DYRK4: variants seen among roughly 807,000 people sequenced by gnomAD.
The protein encoded by DYRK4 is dual specificity tyrosine-phosphorylation-regulated kinase 4.
DYRK4 carries 64 observed loss-of-function variants against 68.3 expected under a neutral mutation model. The ratio of observed to expected loss-of-function variants is 0.94; its 90% CI spans 0.77 to 1.15. DYRK4 has a LOEUF of 1.15. Ranked by LOEUF, DYRK4 falls within the 50% of genes most tolerant of loss-of-function variation. DYRK4 has a pLI of 0.00. For synonymous variants in DYRK4, 274 were observed against 289.9 expected (o/e 0.95, Z 0.56); for missense variants, 740 against 764.7 (o/e 0.97, Z 0.38).
intron 4 of DYRK4, 189 bp downstream of exon 4, chr12:4,590,629 C>T: frequency 8.0e-7 from 1 of 1,254,372 alleles, no homozygotes; most frequent in Admixed American, 3.7e-5. Flanking sequence ...CTTTTCTTAG[C>T]TACAAAATGG....
At position 4,607,388 on chromosome 12, in the gene DYRK4, G is replaced by T. The variant is rs146803881; in HGVS notation, c.1360+1G>T. Reference sequence around the variant, plus strand: ...GCCTCCAGGAGACAGACATTCTTTGGTAAGTCCTAGTGTGTCTCATGAGGT... The same window carrying T: ...GCCTCCAGGAGACAGACATTCTTTGTTAAGTCCTAGTGTGTCTCATGAGGT... On this transcript the variant is annotated splice_donor_variant, in intron 12 of 14. Coordinates refer to ENST00000543431, the MANE Select transcript of DYRK4 (RefSeq NM_001394779.1). LOFTEE classifies it high-confidence loss of function. 6.8e-6 allele frequency: 11 copies of T among 1,614,052 alleles called. No homozygotes were observed. The African/African-American group carries it at 1.3e-4, about 20-fold the overall frequency.
At chr12:4,610,824 A>G (rs2137410998) in intron 13 of DYRK4, among the ~76,000 whole-genome samples, 1 of 152,336 alleles carries the variant, frequency 6.6e-6, no homozygotes, top group East Asian at 1.9e-4. Context: ...TATAATCTAT[A>G]TGCATATTTT....
Position 4,567,985 on chromosome 12 carries a change from A to C in DYRK4, c.69A>C (p.Lys23Asn). ...AAATGGATGCTAAAAAGCCAAGGAA[A>C]TGTGATTTGACTCCCTTCCTGGTTT... ...KTQMDAKKPR[K>N]CDLTPFLVLK... Residue 23 changes from lysine (K) to asparagine (N), a missense_variant, in exon 2 of 15, where the codon AAA (lysine) becomes AAC (asparagine). Transcript: ENST00000543431. 1 of 1,536,160 alleles carries C rather than the reference A, an allele frequency of 6.5e-7. No individual in the cohort carries two copies. The highest frequency in any genetic ancestry group is 8.7e-7 in the Non-Finnish European group (1 of 1,146,924).
At chr12:4,580,968 A>G in intron 2 of DYRK4, 1 of 442,596 alleles carries the variant, frequency 2.3e-6, no homozygotes, top group Non-Finnish European at 4.5e-6. Context: ...ATCTTCCCTG[A>G]ACAGTCCAGG....
intron 4 of DYRK4, 64 bp downstream of exon 4, chr12:4,590,504 G>C: frequency 6.6e-7 from 1 of 1,522,618 alleles, no homozygotes; most frequent in South Asian, 1.2e-5. Context: ...TCCAAAGCCA[G>C]TTTTAGAAAG....
intron 6 of DYRK4, among the ~76,000 whole-genome samples, chr12:4,595,095 A>G (rs1945002235): frequency 6.6e-6 from 1 of 152,226 alleles, no homozygotes; most frequent in Admixed American, 6.5e-5. Flanking sequence ...ACACATATGT[A>G]ATTTTATAGC....
chr12:4,602,145 C>G (rs1332154274), intron 10 of DYRK4: 1 of 631,668 alleles, frequency 1.6e-6, no homozygotes, highest in African/African-American at 1.8e-5. Context: ...TAATTAAGTT[C>G]AGCTTTCATA....
At chr12:4,604,869 G>A (rs17774188) in intron 10 of DYRK4, 45 bp from the exon 11 acceptor site, 143,731 of 1,525,540 alleles carry the variant, frequency 0.094, 7,795 homozygotes, top group Middle Eastern at 0.11. Flanking sequence ...GTTCTGGAGG[G>A]TAAGAAGTTT....
chr12:4,586,705 T>TACACACAC (rs527544594), intron 2 of DYRK4, among the ~76,000 whole-genome samples: 2,266 of 77,544 alleles, frequency 0.029, 48 homozygotes, highest in African/African-American at 0.072. Context: ...CTGGGCTGCG[T>TACACACAC]ACACACACAC....
chr12:4,588,051 T>C (rs1440577387), intron 2 of DYRK4, among the ~76,000 whole-genome samples: 2 of 152,148 alleles, frequency 1.3e-5, no homozygotes, highest in Non-Finnish European at 2.9e-5. Flanking sequence ...CCTCACACTC[T>C]GTTTTGTTTT....
rs912997734 is a variant in DYRK4 at position 4,613,234 on chromosome 12, A to G, written c.1667-281A>G. ...TACCTGGGGATTAAATTCTGGTTCT[A>G]CCACTTATCAGGTGTGGACTTAACC... On this transcript the variant is annotated intron_variant, in intron 14 of 14. Transcript: ENST00000543431. This position sits in a 1 kb window ranked among gnomAD's most constrained non-coding sequence, Gnocchi z 4.0. 2.0e-5 allele frequency among the ~76,000 whole-genome samples: 3 copies of G among 152,182 alleles called. No homozygotes were observed. Among genetic ancestry groups the G allele is most frequent in the African/African-American group, 7.2e-5 (3 of 41,452 alleles).
intron 4 of DYRK4, 89 bp downstream of exon 4, chr12:4,590,529 G>A (rs2302250): frequency 0.013 from 18,679 of 1,488,146 alleles, 831 homozygotes; most frequent in South Asian, 0.11. Flanking sequence ...AGGATAGTGG[G>A]GAAAAGCACA....
At position 4,591,557 on chromosome 12, in the gene DYRK4, G is replaced by A; in HGVS notation, c.463+259G>A. ...TGTACCAATGCAGACAGAAGGAAGT[G>A]TCTCATTTGCCTAAGGAGCCCAGAC... On this transcript the variant is annotated intron_variant, in intron 5 of 14. Transcript: ENST00000543431. This position sits in a 1 kb window ranked among gnomAD's most constrained non-coding sequence, Gnocchi z 4.1. 1 of 438,752 alleles carries A rather than the reference G, an allele frequency of 2.3e-6. No homozygotes were observed. The highest frequency in any genetic ancestry group is 4.0e-6 in the Non-Finnish European group (1 of 249,706). The allele number at this position is 438,752 out of a possible 1,614,324, so 27.2% of individuals were successfully genotyped here.
chr12:4,599,690 T>G lies in DYRK4; in HGVS notation c.1045-17T>G. The G allele has an allele frequency of 6.2e-7, 1 of 1,603,022 alleles. No homozygotes were observed. Among genetic ancestry groups the G allele is most frequent in the East Asian group, 2.2e-5 (1 of 44,796 alleles). Reference sequence around the variant, plus strand: ...CCGCATTACTGTAGCTTGACATATGTCTTTTCTTCTCTCTAGGAAAATATA... The same window carrying G: ...CCGCATTACTGTAGCTTGACATATGGCTTTTCTTCTCTCTAGGAAAATATA... On this transcript the variant is annotated splice_polypyrimidine_tract_variant and intron_variant, in intron 9 of 14. Coordinates refer to ENST00000543431, the MANE Select transcript of DYRK4 (RefSeq NM_001394779.1).
intron 2 of DYRK4, 71 bp from the exon 3 acceptor site, chr12:4,588,866 T>A: frequency 6.9e-7 from 1 of 1,444,242 alleles, no homozygotes; most frequent in Non-Finnish European, 9.4e-7. Flanking sequence ...TTTATTGTAA[T>A]GTAACAAAAA....
chr12:4,585,105 T>C (rs921329521), intron 2 of DYRK4, among the ~76,000 whole-genome samples: 2 of 152,154 alleles, frequency 1.3e-5, no homozygotes, highest in African/African-American at 4.8e-5. Context: ...TCAGATCCTA[T>C]GGGTTTATCT....
intron 8 of DYRK4, chr12:4,597,157 A>G: frequency 9.6e-7 from 1 of 1,042,024 alleles, no homozygotes; most frequent in African/African-American, 1.8e-5. Context: ...GATTTTGAGT[A>G]AATAAGGACA....
intron 2 of DYRK4, among the ~76,000 whole-genome samples, chr12:4,572,145 A>G (rs1016124660): frequency 5.9e-5 from 9 of 152,220 alleles, no homozygotes; most frequent in African/African-American, 2.2e-4. Flanking sequence ...GAGAATGGTA[A>G]TGACTCACCT....
intron 11 of DYRK4, among the ~76,000 whole-genome samples, chr12:4,605,728 G>GTTTTTTTT (rs780888385): frequency 5.8e-5 from 4 of 68,914 alleles, no homozygotes; most frequent in African/African-American, 1.3e-4. Context: ...AATAGAGCTG[G>GTTTTTTTT]GTTTTTTTTT....
Sources: allele counts gnomAD v4.1 joint callset (sites outside exome capture counted in the v4.1 genomes callset), GRCh38; gene constraint gnomAD v4.1.1; non-coding constraint Gnocchi (gnomAD v3.1); transcripts MANE v1.5; gene names NCBI Gene and HGNC (gene_info 2026-07-23, HGNC 2026-07-21).